The following DDC variants were observed in gnomAD, a reference collection of about 807,000 sequenced individuals.
DDC encodes the protein aromatic-L-amino-acid decarboxylase.
In DDC, 43 loss-of-function variants were observed where a neutral mutation model predicts 60.0. That is an observed-to-expected ratio of 0.72 (90% CI 0.56 to 0.92). The LOEUF is 0.92. DDC is among the 40% of genes least tolerant of loss of function. The pLI is 0.00. For missense variants in DDC, 573 were observed against 620.2 expected, an observed-to-expected ratio of 0.92 and a Z score of 0.81; for synonymous variants, 232 against 234.6, an observed-to-expected ratio of 0.99 and a Z score of 0.10.
rs145589372 is a variant in DDC, at chr7:50,466,382, G to T, written c.1242+832C>A. Among the ~76,000 whole-genome samples the T allele has an allele frequency of 8.8e-3, 1,331 of 151,552 alleles. 6 individuals are homozygous for T. The highest frequency in any genetic ancestry group is 0.015 in the Non-Finnish European group (1,014 of 67,952). ...CACCTGTAATCCCAGCTACTCAAAA[G>T]GCTGAAGCAGGAGAATCACTTGAAC... On this transcript the variant is annotated intron_variant, in intron 13 of 14. Transcript: ENST00000444124.
At chr7:50,476,786 C>G (rs2042656646) in intron 10 of DDC, 143 bp from the exon 11 acceptor site, 2 of 717,392 alleles carry the variant, frequency 2.8e-6, no homozygotes, top group Admixed American at 4.2e-5. Flanking sequence ...TCTGGGTGTT[C>G]TTTGCGGCAC....
intron 8 of DDC, among the ~76,000 whole-genome samples, chr7:50,496,831 G>A (rs1426250022): frequency 2.6e-5 from 4 of 152,188 alleles, no homozygotes; most frequent in East Asian, 1.9e-4. Flanking sequence ...GATGTGCACC[G>A]AGGAGGCAGC....
intron 1 of DDC, among the ~76,000 whole-genome samples, chr7:50,563,774 G>C (rs2045385543): frequency 6.6e-6 from 1 of 152,002 alleles, no homozygotes. Flanking sequence ...GCTAATTTTT[G>C]TATTTTTATT....
At chr7:50,494,590 C>T (rs1414256626) in intron 9 of DDC, among the ~76,000 whole-genome samples, 1 of 142,578 alleles carries the variant, frequency 7.0e-6, no homozygotes, top group Non-Finnish European at 1.5e-5. Context: ...GACACTGTCT[C>T]GAAAAAAAAA....
intron 7 of DDC, among the ~76,000 whole-genome samples, chr7:50,503,145 G>A (rs1259256059): frequency 6.6e-6 from 1 of 152,244 alleles, no homozygotes; most frequent in African/African-American, 2.4e-5. Context: ...TTCCCTGGTA[G>A]CTGTTGTGGG....
chr7:50,467,419 C>T lies in DDC; in HGVS notation c.1141-104G>A, dbSNP rs926975198. 101 of 957,386 alleles carry T rather than the reference C, an allele frequency of 1.1e-4. No homozygotes were observed. In the East Asian group the frequency reaches 1.5e-3, roughly 14 times the overall value. The allele number at this position is 957,386 out of a possible 1,614,324, so 59.3% of individuals were successfully genotyped here. Reference sequence around the variant, plus strand: ...ACTGCCCATGTATAATTCATTTAGACGCTCTTGGCAATTTTCCTCAAGTGC... The same window carrying T: ...ACTGCCCATGTATAATTCATTTAGATGCTCTTGGCAATTTTCCTCAAGTGC... On this transcript the variant is annotated intron_variant, in intron 12 of 14. Transcript: ENST00000444124.
chr7:50,493,470 A>G (rs1245962931), intron 9 of DDC, among the ~76,000 whole-genome samples: 1 of 152,198 alleles, frequency 6.6e-6, no homozygotes, highest in Non-Finnish European at 1.5e-5. Context: ...TCCGAACTCC[A>G]GCCACCTTAG....
At chr7:50,505,036 G>C (rs1489686606) in intron 6 of DDC, among the ~76,000 whole-genome samples, 1 of 152,322 alleles carries the variant, frequency 6.6e-6, no homozygotes, top group East Asian at 1.9e-4. Flanking sequence ...ATTGAGTGCT[G>C]TCAGTCACAC....
chr7:50,509,471 C>T (rs7786752), intron 6 of DDC, among the ~76,000 whole-genome samples: 2,006 of 152,326 alleles, frequency 0.013, 38 homozygotes, highest in African/African-American at 0.046. Flanking sequence ...ACATCTCCCT[C>T]GGCCCAACTT....
rs150373851 is a variant in DDC at position 50,504,443 on chromosome 7, T to C, written c.715-384A>G. Among the ~76,000 whole-genome samples the C allele has an allele frequency of 1.9e-3, 286 of 151,884 alleles. 1 individual carries two copies. The highest frequency in any genetic ancestry group is 6.6e-3 in the African/African-American group (275 of 41,488). ...AAATATACATATATATGTATGTGTG[T>C]ATATTTTTGTTAAATTTTAATTAAC... On this transcript the variant is annotated intron_variant, in intron 6 of 14. Transcript: ENST00000444124.
intron 4 of DDC, among the ~76,000 whole-genome samples, chr7:50,531,214 C>T (rs2044195136): frequency 6.6e-6 from 1 of 152,186 alleles, no homozygotes; most frequent in Non-Finnish European, 1.5e-5. Context: ...GCTGGCAAAG[C>T]TAAATCAGCC....
At chr7:50,511,224 T>C (rs1308999385) in intron 6 of DDC, among the ~76,000 whole-genome samples, 1 of 151,610 alleles carries the variant, frequency 6.6e-6, no homozygotes, top group Non-Finnish European at 1.5e-5. Flanking sequence ...ATGTTATATG[T>C]ATGTGTGTAC....
chr7:50,533,929 G>A (rs979804660), intron 4 of DDC, among the ~76,000 whole-genome samples: 2 of 152,230 alleles, frequency 1.3e-5, no homozygotes, highest in African/African-American at 4.8e-5. Context: ...CTCAGACACA[G>A]GTATGCAGTG....
intron 9 of DDC, chr7:50,492,592 T>C: frequency 1.2e-6 from 1 of 803,870 alleles, no homozygotes; most frequent in Non-Finnish European, 1.6e-6. Context: ...GGATGGGAAC[T>C]AACCCCATCA....
At chr7:50,506,270 T>A (rs2043392853) in intron 6 of DDC, among the ~76,000 whole-genome samples, 1 of 152,080 alleles carries the variant, frequency 6.6e-6, no homozygotes, top group South Asian at 2.1e-4. Context: ...GGGTAGGAGC[T>A]CTGTACTGAT....
intron 6 of DDC, among the ~76,000 whole-genome samples, chr7:50,522,774 A>G (rs2043931734): frequency 6.6e-6 from 1 of 152,208 alleles, no homozygotes; most frequent in African/African-American, 2.4e-5. Context: ...TTATTGTTCC[A>G]TTACAAAGAA....
At position 50,562,897 on chromosome 7, in the gene DDC, G is replaced by C. The variant is rs536414939; in HGVS notation, c.-29+2388C>G. 3.9e-5 allele frequency among the ~76,000 whole-genome samples: 6 copies of C among 152,330 alleles called. No individual in the cohort carries two copies. In the South Asian group the frequency reaches 1.2e-3, roughly 32 times the overall value. On this transcript the variant is annotated intron_variant, in intron 1 of 14. Coordinates refer to ENST00000444124, the MANE Select transcript of DDC (RefSeq NM_001082971.2). The stretch of plus-strand genomic sequence containing the variant: ...AAAAATGTCCAGACTGCCGGGCCCA[G>C]TGGCTCATGCCTGTAATCCCAGCCT...
intron 11 of DDC, among the ~76,000 whole-genome samples, chr7:50,471,235 T>C (rs528058069): frequency 6.6e-6 from 1 of 152,178 alleles, no homozygotes; most frequent in African/African-American, 2.4e-5. Flanking sequence ...CTACTAAAAA[T>C]ACAAAAATTA....
Position 50,470,129 on chromosome 7 carries a change from TTTTCAAAGA to T in DDC, c.1075_1083del (p.Ser359_Lys361del). 1.2e-6 allele frequency: 2 copies of T among 1,613,820 alleles called. No individual in the cohort carries two copies. The highest frequency in any genetic ancestry group is 1.7e-6 in the Non-Finnish European group (2 of 1,179,726). On this transcript the variant is annotated inframe_deletion, in exon 12 of 15. Coordinates refer to ENST00000444124, the MANE Select transcript of DDC (RefSeq NM_001082971.2). ...CCATACATCCTAAATACAAACCACA[TTTTCAAAGA>T]GCGAAATCTTCTGCCCAGTGGTATC...
Sources: gnomAD v4.1 joint callset for allele counts (sites outside exome capture counted in the v4.1 genomes callset) on GRCh38, gnomAD v4.1.1 for gene constraint, MANE v1.5 for transcripts, NCBI Gene and HGNC (gene_info 2026-07-23, HGNC 2026-07-21) for gene names.